The following NGEF variants were observed in gnomAD, a reference collection of about 807,000 sequenced individuals.
NGEF encodes the protein ephexin-1.
Under a neutral mutation model 80.9 loss-of-function variants are expected in NGEF, and 31 were observed. The observed-to-expected ratio is 0.38, with a 90% CI of 0.29 to 0.52. The LOEUF (loss-of-function observed/expected upper bound fraction) is 0.52. NGEF is among the 20% of genes least tolerant of loss of function. The pLI is 0.84. For synonymous variants in NGEF, 371 were observed against 370.2 expected, an observed-to-expected ratio of 1.00 and a Z score of -0.03; for missense variants, 709 against 926.2, an observed-to-expected ratio of 0.77 and a Z score of 3.04.
At chr2:233,000,830 G>C (rs1368283791) in intron 1 of NGEF, among the ~76,000 whole-genome samples, 1 of 152,058 alleles carries the variant, frequency 6.6e-6, no homozygotes, top group Non-Finnish European at 1.5e-5. Flanking sequence ...CATCACACGG[G>C]GGGTTAGGGC....
chr2:232,955,536 GT>G, intron 3 of NGEF, among the ~76,000 whole-genome samples: 1 of 152,244 alleles, frequency 6.6e-6, no homozygotes, highest in East Asian at 1.9e-4. Context: ...TGGTTGGTTT[GT>G]TTTTGAGACA....
At chr2:232,948,002 A>G (rs914289465) in intron 3 of NGEF, among the ~76,000 whole-genome samples, 1 of 152,220 alleles carries the variant, frequency 6.6e-6, no homozygotes, top group East Asian at 1.9e-4. Flanking sequence ...AGAATGTGTA[A>G]TTACAGCCAG....
At chr2:232,953,977 AAG>A (rs1693739036) in intron 3 of NGEF, among the ~76,000 whole-genome samples, 1 of 152,198 alleles carries the variant, frequency 6.6e-6, no homozygotes, top group African/African-American at 2.4e-5. Flanking sequence ...TGCAGGGGTG[AAG>A]CATTTGCCAA....
At chr2:232,994,723 G>T (rs1694742661) in intron 1 of NGEF, among the ~76,000 whole-genome samples, 1 of 152,102 alleles carries the variant, frequency 6.6e-6, no homozygotes, top group Non-Finnish European at 1.5e-5. Context: ...GTCTTGCAGG[G>T]AGGACAAATG....
At chr2:232,900,029 C>G (rs1692252987) in intron 5 of NGEF, among the ~76,000 whole-genome samples, 1 of 139,354 alleles carries the variant, frequency 7.2e-6, no homozygotes, top group African/African-American at 2.9e-5. Flanking sequence ...CACGTTCACT[C>G]ACATTCACTC....
At chr2:232,882,642 G>A (rs997470922) in intron 12 of NGEF, among the ~76,000 whole-genome samples, 3 of 152,238 alleles carry the variant, frequency 2.0e-5, no homozygotes, top group Non-Finnish European at 2.9e-5. Context: ...CCTGGTCCAC[G>A]TCAGCTGCAG....
rs34498818 is a variant in NGEF at position 232,921,627 on chromosome 2, CT to C, written c.527-1043del. ...TCACCATGGCCGGCTAGTTTTTCCTCTTTTTTTTTTTTTTTGTAGAGATGAG... is the reference window on the plus strand; with the variant it reads ...TCACCATGGCCGGCTAGTTTTTCCTCTTTTTTTTTTTTTTGTAGAGATGAG... On this transcript the variant is annotated intron_variant, in intron 4 of 14. Transcript: ENST00000264051. 5.4e-3 allele frequency among the ~76,000 whole-genome samples: 752 copies of C among 139,602 alleles called. 4 individuals are homozygous for C. The highest frequency in any genetic ancestry group is 0.016 in the African/African-American group (611 of 37,810). 91.6% of individuals were successfully genotyped at this position (139,602 alleles called of 152,430 possible).
intron 8 of NGEF, 81 bp from the exon 9 acceptor site, chr2:232,888,188 C>T: frequency 1.0e-6 from 1 of 980,914 alleles, no homozygotes; most frequent in Non-Finnish European, 1.6e-6. Context: ...TGACTACCTC[C>T]CTACTGCACC....
chr2:232,971,782 G>A (rs1335517302), intron 2 of NGEF, among the ~76,000 whole-genome samples: 1 of 152,232 alleles, frequency 6.6e-6, no homozygotes, highest in African/African-American at 2.4e-5. Flanking sequence ...TCTATCTGGT[G>A]TCAGCATCCT....
intron 13 of NGEF, among the ~76,000 whole-genome samples, chr2:232,881,541 C>T (rs1324181976): frequency 1.3e-5 from 2 of 152,018 alleles, no homozygotes; most frequent in Non-Finnish European, 2.9e-5. Context: ...GTGGTCAGGA[C>T]AGGGTTCACA....
At chr2:232,886,705 G>GAAAACATA (rs1318011992) in intron 9 of NGEF, among the ~76,000 whole-genome samples, 1 of 152,244 alleles carries the variant, frequency 6.6e-6, no homozygotes, top group Non-Finnish European at 1.5e-5. Context: ...TTTAAAAACA[G>GAAAACATA]AAAACATACC....
At chr2:232,927,233 A>G in intron 3 of NGEF, 47 bp from the exon 4 acceptor site, 1 of 1,510,352 alleles carries the variant, frequency 6.6e-7, no homozygotes, top group South Asian at 1.3e-5. Context: ...TTAAGCAAGG[A>G]TTCACCTCGG....
Position 232,911,321 on chromosome 2 carries a change from GT to G in NGEF, c.828+8962del, listed in dbSNP as rs368120453. Among the ~76,000 whole-genome samples the G allele has an allele frequency of 3.8e-3, 558 of 147,404 alleles. 3 individuals are homozygous for G. Among genetic ancestry groups the G allele is most frequent in the African/African-American group, 0.013 (539 of 39,986 alleles). ...TGCCAAATATCAATCAACCATACTT[GT>G]TGTGGGTTTATTTCTGAATTTTCTT... On this transcript the variant is annotated intron_variant, in intron 5 of 14. Coordinates refer to ENST00000264051, the MANE Select transcript of NGEF (RefSeq NM_019850.3).
chr2:232,880,035 G>A (rs1440677846), intron 14 of NGEF, among the ~76,000 whole-genome samples: 1 of 152,224 alleles, frequency 6.6e-6, no homozygotes, highest in East Asian at 1.9e-4. Flanking sequence ...GCTGGTGGGG[G>A]TGGCAGCCGA....
chr2:232,986,852 C>T (rs886161001), intron 1 of NGEF, among the ~76,000 whole-genome samples: 1 of 152,284 alleles, frequency 6.6e-6, no homozygotes, highest in African/African-American at 2.4e-5. Flanking sequence ...ATATCTATCA[C>T]ATCATCACAT....
chr2:232,879,427 C>T lies in NGEF; in HGVS notation c.*62G>A, dbSNP rs3811587. 1.7e-5 allele frequency: 24 copies of T among 1,439,042 alleles called. No individual in the cohort carries two copies. The South Asian group carries it at 3.1e-4, about 19-fold the overall frequency. 89.1% of individuals were successfully genotyped at this position (1,439,042 alleles called of 1,614,324 possible). On this transcript the variant is annotated 3_prime_UTR_variant, in exon 15 of 15. Transcript: ENST00000264051. ...TGGCCTGTGCTTCCCAGAGCCCCCC[C>T]CCCCCCACCTTCTGTCGGGGTCTCA...
At chr2:232,906,081 C>T (rs1464209929) in intron 5 of NGEF, among the ~76,000 whole-genome samples, 3 of 124,834 alleles carry the variant, frequency 2.4e-5, no homozygotes, top group Non-Finnish European at 3.5e-5. Flanking sequence ...AGGGGGTCAG[C>T]CCCCCGCCTG....
At chr2:232,894,944 G>A (rs370201579) in intron 5 of NGEF, 28 bp from the exon 6 acceptor site, 59 of 1,537,768 alleles carry the variant, frequency 3.8e-5, no homozygotes, top group South Asian at 1.4e-4. Context: ...CATGGTTACC[G>A]CCTGAAGTTG....
chr2:233,008,161 G>A (rs1695125349), intron 1 of NGEF, among the ~76,000 whole-genome samples: 1 of 152,280 alleles, frequency 6.6e-6, no homozygotes, highest in East Asian at 1.9e-4. Flanking sequence ...CCCATTGGTG[G>A]GATTTAATAG....
Sources: gnomAD v4.1 joint callset for allele counts (sites outside exome capture counted in the v4.1 genomes callset) on GRCh38, gnomAD v4.1.1 for gene constraint, MANE v1.5 for transcripts, NCBI Gene and HGNC (gene_info 2026-07-23, HGNC 2026-07-21) for gene names.